CDH4: variants seen among roughly 807,000 people sequenced by gnomAD.
CDH4 encodes cadherin 4.
In CDH4, 33 loss-of-function variants were observed where a neutral mutation model predicts 86.0. The ratio of observed to expected loss-of-function variants is 0.38; its 90% CI spans 0.29 to 0.51. The LOEUF is 0.51. CDH4 is among the 20% of genes least tolerant of loss of function. The pLI is 0.86. For missense variants in CDH4, 1,114 were observed against 1,307.4 expected (o/e 0.85, Z 2.28); for synonymous variants, 555 against 549.4 (o/e 1.01, Z -0.14).
chr20:61,889,363 G>T (rs936143963), intron 7 of CDH4, among the ~76,000 whole-genome samples: 2 of 148,676 alleles, frequency 1.3e-5, no homozygotes, highest in Non-Finnish European at 3.0e-5. Flanking sequence ...GTGGATGATG[G>T]ATGATGGATG....
At chr20:61,402,745 A>G (rs1044040185) in intron 2 of CDH4, among the ~76,000 whole-genome samples, 5 of 152,208 alleles carry the variant, frequency 3.3e-5, no homozygotes, top group Non-Finnish European at 7.3e-5. Context: ...ATCCATGGAT[A>G]TGGAACCCAT....
intron 2 of CDH4, among the ~76,000 whole-genome samples, chr20:61,438,408 T>G (rs1310246213): frequency 1.3e-5 from 2 of 152,220 alleles, no homozygotes; most frequent in Non-Finnish European, 2.9e-5. Context: ...AGTTTTATAG[T>G]GTGTGTTTTG....
chr20:61,429,531 G>C (rs2085232851), intron 2 of CDH4, among the ~76,000 whole-genome samples: 2 of 152,142 alleles, frequency 1.3e-5, no homozygotes, highest in African/African-American at 4.8e-5. Flanking sequence ...AGGTAGATGG[G>C]TGGGTGTGTG....
intron 2 of CDH4, chr20:61,599,952 T>C: frequency 2.0e-6 from 2 of 985,518 alleles, no homozygotes; most frequent in Non-Finnish European, 2.4e-6. Context: ...GAACGGCCTC[T>C]CCACAGAGAA....
intron 3 of CDH4, among the ~76,000 whole-genome samples, chr20:61,757,042 G>T (rs896728671): frequency 1.3e-5 from 2 of 152,200 alleles, no homozygotes; most frequent in Admixed American, 6.5e-5. Flanking sequence ...TGTAGACAAC[G>T]TGTCCACCTC....
intron 6 of CDH4, among the ~76,000 whole-genome samples, chr20:61,872,822 C>T (rs1983865562): frequency 6.6e-6 from 1 of 152,246 alleles, no homozygotes; most frequent in African/African-American, 2.4e-5. Flanking sequence ...AGCGGGGCCT[C>T]CACCGGGTAC....
chr20:61,537,860 C>G (rs368567633), intron 2 of CDH4, among the ~76,000 whole-genome samples: 1 of 151,904 alleles, frequency 6.6e-6, no homozygotes, highest in Non-Finnish European at 1.5e-5. Context: ...AACATCACAG[C>G]GCCATGAAAG....
intron 4 of CDH4, among the ~76,000 whole-genome samples, chr20:61,821,789 C>A (rs1981058051): frequency 6.6e-6 from 1 of 152,228 alleles, no homozygotes; most frequent in Non-Finnish European, 1.5e-5. Context: ...ATTTTACAAC[C>A]ATTTCCCAGG....
At chr20:61,383,076 A>T (rs905159148) in intron 2 of CDH4, among the ~76,000 whole-genome samples, 4 of 122,656 alleles carry the variant, frequency 3.3e-5, no homozygotes, top group Admixed American at 8.8e-5. Context: ...ATATATATAT[A>T]ATATATATAT....
At chr20:61,281,181 C>T (rs1461589724) in intron 2 of CDH4, among the ~76,000 whole-genome samples, 2 of 152,128 alleles carry the variant, frequency 1.3e-5, no homozygotes, top group Non-Finnish European at 2.9e-5. Flanking sequence ...GAGGCTCCAG[C>T]GGGTTCTCAC....
intron 2 of CDH4, among the ~76,000 whole-genome samples, chr20:61,463,865 CAG>C (rs780310649): frequency 6.6e-6 from 1 of 152,120 alleles, no homozygotes; most frequent in Non-Finnish European, 1.5e-5. Context: ...ATTAGGCCAT[CAG>C]GGGATCAGGG....
intron 4 of CDH4, among the ~76,000 whole-genome samples, chr20:61,818,688 T>G (rs1439358377): frequency 9.3e-6 from 1 of 107,870 alleles, no homozygotes; most frequent in East Asian, 2.4e-4. Flanking sequence ...AAACTAAAAA[T>G]TTAAAAAAAA....
At chr20:61,596,072 G>C (rs1305647240) in intron 2 of CDH4, among the ~76,000 whole-genome samples, 1 of 152,216 alleles carries the variant, frequency 6.6e-6, no homozygotes, top group Non-Finnish European at 1.5e-5. Context: ...ACAGTGCCGG[G>C]ACCAACTGTC....
intron 2 of CDH4, among the ~76,000 whole-genome samples, chr20:61,591,650 A>G (rs2086520148): frequency 2.0e-5 from 3 of 152,364 alleles, no homozygotes; most frequent in South Asian, 2.1e-4. Flanking sequence ...TAGTTGCAGC[A>G]TGAAAGCTGA....
chr20:61,674,577 C>T (rs933418788), intron 2 of CDH4, among the ~76,000 whole-genome samples: 5 of 152,164 alleles, frequency 3.3e-5, no homozygotes, highest in African/African-American at 1.2e-4. Flanking sequence ...GGCATAAGAG[C>T]GCTTCTGTAT....
At chr20:61,294,639 C>G (rs1046062238) in intron 2 of CDH4, among the ~76,000 whole-genome samples, 3 of 152,204 alleles carry the variant, frequency 2.0e-5, no homozygotes, top group Admixed American at 2.0e-4. Context: ...AGGCCTTACA[C>G]CTGGCCTGTG....
intron 3 of CDH4, among the ~76,000 whole-genome samples, chr20:61,745,779 A>G (rs988088862): frequency 5.3e-5 from 8 of 152,118 alleles, no homozygotes; most frequent in African/African-American, 1.7e-4. Flanking sequence ...GTGACTTCCA[A>G]GCTGTCCCCA....
chr20:61,424,260 CCA>C (rs2085198670), intron 2 of CDH4, among the ~76,000 whole-genome samples: 1 of 142,886 alleles, frequency 7.0e-6, no homozygotes, highest in African/African-American at 2.5e-5. Flanking sequence ...ACACATATAT[CCA>C]CACACATCCA....
intron 2 of CDH4, among the ~76,000 whole-genome samples, chr20:61,621,880 C>T (rs2086781077): frequency 6.6e-6 from 1 of 152,194 alleles, no homozygotes; most frequent in Non-Finnish European, 1.5e-5. Context: ...CCCTAATATA[C>T]ATAGGTGTTT....
Sources: gnomAD v4.1 joint callset for allele counts (sites outside exome capture counted in the v4.1 genomes callset) on GRCh38, gnomAD v4.1.1 for gene constraint, MANE v1.5 for transcripts, NCBI Gene and HGNC (gene_info 2026-07-23, HGNC 2026-07-21) for gene names.